JPH1: variants seen among roughly 807,000 people sequenced by gnomAD.
JPH1 encodes junctophilin-1.
A neutral mutation model predicts 53.6 loss-of-function variants in JPH1; 12 were observed. The ratio of observed to expected loss-of-function variants is 0.22; its 90% CI spans 0.14 to 0.36. The LOEUF (loss-of-function observed/expected upper bound fraction) is 0.36, where lower values mean the gene tolerates loss of function less well. Among genes scored for constraint, JPH1 ranks in the 10% least tolerant of loss-of-function variants. The probability of loss-of-function intolerance (pLI) is 1.00; values close to 1 mark genes in which losing one functional copy is unlikely to be tolerated. For missense variants in JPH1, 808 were observed against 905.5 expected, an observed-to-expected ratio of 0.89 and a Z score of 1.38; for synonymous variants, 375 against 363.8, an observed-to-expected ratio of 1.03 and a Z score of -0.35.
At position 74,315,468 on chromosome 8, in the gene JPH1, C is replaced by G. The variant is rs376014048; in HGVS notation, c.532G>C (p.Asp178His). 2 of 1,607,774 alleles carry G rather than the reference C, an allele frequency of 1.2e-6. No individual in the cohort carries two copies. The highest frequency in any genetic ancestry group is 1.7e-6 in the Non-Finnish European group (2 of 1,177,804). ...SEQSNGSVLH[D>H]AAAAADSPAG... ...GGGCTGTCGGCGGCGGCTGCGGCGT[C>G]GTGGAGCACGCTGCCATTGCTCTGC... The change falls in exon 2 of 6, where the codon GAC becomes CAC. Residue 178 changes from aspartate (D) to histidine (H), a missense_variant. Around this residue, in one of 2 missense-constraint regions of JPH1, gnomAD observed 756 missense variants for 811.9 expected, o/e 0.93. Coordinates refer to ENST00000342232, the MANE Select transcript of JPH1 (RefSeq NM_020647.4). The surrounding 1 kb of genome is among the most constrained non-coding windows in gnomAD (Gnocchi z 6.3).
intron 1 of JPH1, among the ~76,000 whole-genome samples, chr8:74,318,157 C>G (rs1808214504): frequency 6.6e-6 from 1 of 152,166 alleles, no homozygotes; most frequent in African/African-American, 2.4e-5. Flanking sequence ...TCCAACTTCT[C>G]CCTGCTGCTC....
intron 2 of JPH1, among the ~76,000 whole-genome samples, chr8:74,303,488 T>C (rs1807742288): frequency 6.6e-6 from 1 of 152,192 alleles, no homozygotes; most frequent in South Asian, 2.1e-4. Context: ...TGAATCTGCT[T>C]GGGAGGCTCT....
chr8:74,244,288 T>TA (rs1484910335), intron 4 of JPH1, among the ~76,000 whole-genome samples: 3 of 152,150 alleles, frequency 2.0e-5, no homozygotes, highest in Admixed American at 6.5e-5. Flanking sequence ...GGTCAGGTCT[T>TA]ACCTACCTGA....
intron 2 of JPH1, among the ~76,000 whole-genome samples, chr8:74,284,706 T>TC (rs1338611488): frequency 6.6e-6 from 1 of 151,612 alleles, no homozygotes; most frequent in Non-Finnish European, 1.5e-5. Flanking sequence ...AAGGCTTTTT[T>TC]CCCCCAACAC....
At chr8:74,279,897 G>T (rs57182572) in intron 2 of JPH1, among the ~76,000 whole-genome samples, 1 of 152,052 alleles carries the variant, frequency 6.6e-6, no homozygotes, top group Non-Finnish European at 1.5e-5. Context: ...TGTGGTAGCT[G>T]CATTTTATTT....
intron 3 of JPH1, among the ~76,000 whole-genome samples, chr8:74,257,854 GTGA>G (rs1472812235): frequency 6.6e-6 from 1 of 152,176 alleles, no homozygotes; most frequent in Non-Finnish European, 1.5e-5. Flanking sequence ...AAGTCACTCT[GTGA>G]TGATGATATC....
intron 2 of JPH1, among the ~76,000 whole-genome samples, chr8:74,305,682 C>G (rs1283266241): frequency 6.6e-6 from 1 of 152,192 alleles, no homozygotes; most frequent in Admixed American, 6.5e-5. Context: ...TCAGTGCCAG[C>G]TTTTACTAAG....
intron 4 of JPH1, among the ~76,000 whole-genome samples, chr8:74,242,023 A>G (rs1356865634): frequency 6.6e-6 from 1 of 152,218 alleles, no homozygotes; most frequent in Non-Finnish European, 1.5e-5. Context: ...ACATGAGTCC[A>G]TACGCAACCA....
At chr8:74,294,373 C>A (rs1482163155) in intron 2 of JPH1, among the ~76,000 whole-genome samples, 1 of 145,726 alleles carries the variant, frequency 6.9e-6, no homozygotes, top group African/African-American at 2.5e-5. Flanking sequence ...TCCAGGTAGA[C>A]CAGAGACAAG....
chr8:74,316,763 T>A (rs1441282222), intron 1 of JPH1, among the ~76,000 whole-genome samples: 1 of 152,194 alleles, frequency 6.6e-6, no homozygotes, highest in Non-Finnish European at 1.5e-5. Flanking sequence ...ACTAAATAAA[T>A]AAGCAAAGAC....
chr8:74,254,910 G>A (rs1034738443), intron 3 of JPH1, among the ~76,000 whole-genome samples: 2 of 152,160 alleles, frequency 1.3e-5, no homozygotes, highest in African/African-American at 4.8e-5. Context: ...CAAACAAATG[G>A]GAGAACATTC....
intron 2 of JPH1, among the ~76,000 whole-genome samples, chr8:74,272,672 C>T (rs1241405744): frequency 6.8e-6 from 1 of 148,042 alleles, no homozygotes; most frequent in Admixed American, 6.8e-5. Flanking sequence ...GGCGCGATCT[C>T]GACTCACTGC....
At chr8:74,310,677 G>A (rs1425433593) in intron 2 of JPH1, among the ~76,000 whole-genome samples, 1 of 152,136 alleles carries the variant, frequency 6.6e-6, no homozygotes, top group Non-Finnish European at 1.5e-5. Flanking sequence ...AAGGTCCACA[G>A]ATCCACCATA....
intron 2 of JPH1, among the ~76,000 whole-genome samples, chr8:74,272,200 G>C (rs1164748323): frequency 6.6e-6 from 1 of 152,068 alleles, no homozygotes; most frequent in Non-Finnish European, 1.5e-5. Context: ...CTCATTTCCT[G>C]ATCAACTAGA....
intron 2 of JPH1, among the ~76,000 whole-genome samples, chr8:74,307,610 C>A (rs1291326722): frequency 6.6e-6 from 1 of 152,172 alleles, no homozygotes; most frequent in Non-Finnish European, 1.5e-5. Flanking sequence ...ATTTAACAAT[C>A]TATTCATTAA....
intron 2 of JPH1, among the ~76,000 whole-genome samples, chr8:74,294,049 G>A (rs879704145): frequency 5.9e-5 from 9 of 152,136 alleles, no homozygotes; most frequent in African/African-American, 9.7e-5. Context: ...CAATGCAGGC[G>A]TCACTCTGGT....
At chr8:74,288,683 C>T (rs1807238526) in intron 2 of JPH1, among the ~76,000 whole-genome samples, 1 of 152,210 alleles carries the variant, frequency 6.6e-6, no homozygotes, top group Non-Finnish European at 1.5e-5. Context: ...TGGACAATTT[C>T]TCAAGAGAGA....
chr8:74,280,055 T>C (rs1806966438), intron 2 of JPH1, among the ~76,000 whole-genome samples: 1 of 152,198 alleles, frequency 6.6e-6, no homozygotes, highest in South Asian at 2.1e-4. Flanking sequence ...ATATACCTTC[T>C]AACTAAACTT....
At chr8:74,285,180 G>A (rs1039315947) in intron 2 of JPH1, among the ~76,000 whole-genome samples, 5 of 151,956 alleles carry the variant, frequency 3.3e-5, no homozygotes, top group African/African-American at 1.2e-4. Flanking sequence ...TTATGGTGTT[G>A]TAAAGAGCCT....
Sources: allele counts gnomAD v4.1 joint callset (sites outside exome capture counted in the v4.1 genomes callset), GRCh38; gene constraint gnomAD v4.1.1; regional missense constraint gnomAD v4.1.1; non-coding constraint Gnocchi (gnomAD v3.1); transcripts MANE v1.5; gene names NCBI Gene and HGNC (gene_info 2026-07-23, HGNC 2026-07-21).